The following ABTB2 variants were observed in gnomAD, a reference collection of about 807,000 sequenced individuals.
The protein encoded by ABTB2 is ankyrin repeat and BTB/POZ domain-containing protein 2.
Under a neutral mutation model 104.1 loss-of-function variants are expected in ABTB2, and 56 were observed. The ratio of observed to expected loss-of-function variants is 0.54; its 90% CI spans 0.43 to 0.67. The LOEUF is 0.67. Ranked by LOEUF, ABTB2 falls within the 30% of genes least tolerant of loss-of-function variation. The pLI is 0.00. For missense variants in ABTB2, 1,279 were observed against 1,407.7 expected (o/e 0.91, Z 1.46); for synonymous variants, 606 against 608.2 (o/e 1.00, Z 0.05).
At chr11:34,304,116 T>A (rs1854744121) in intron 1 of ABTB2, among the ~76,000 whole-genome samples, 1 of 152,156 alleles carries the variant, frequency 6.6e-6, no homozygotes, top group African/African-American at 2.4e-5. Context: ...GACGGAATCA[T>A]CCCTTTGTCC....
intron 1 of ABTB2, among the ~76,000 whole-genome samples, chr11:34,263,183 G>C (rs1854208942): frequency 6.6e-6 from 1 of 152,038 alleles, no homozygotes; most frequent in African/African-American, 2.4e-5. Flanking sequence ...TTTTGGTGGG[G>C]GTTGGGGGGA....
intron 1 of ABTB2, among the ~76,000 whole-genome samples, chr11:34,237,591 T>C (rs887899986): frequency 3.3e-5 from 5 of 152,200 alleles, no homozygotes; most frequent in Admixed American, 3.3e-4. Context: ...ATTTCCCAGT[T>C]CAGGCTGGCT....
intron 1 of ABTB2, among the ~76,000 whole-genome samples, chr11:34,261,642 G>A (rs1854190706): frequency 6.6e-6 from 1 of 152,118 alleles, no homozygotes; most frequent in Non-Finnish European, 1.5e-5. Flanking sequence ...GAGGCCTTAA[G>A]AAAACCTGAT....
chr11:34,332,704 TG>T (rs1855146763), intron 1 of ABTB2, among the ~76,000 whole-genome samples: 1 of 152,030 alleles, frequency 6.6e-6, no homozygotes, highest in Non-Finnish European at 1.5e-5. Flanking sequence ...ATGCCTCTGT[TG>T]ATTTTGCTAA....
At chr11:34,203,674 G>A (rs1219225902) in intron 2 of ABTB2, among the ~76,000 whole-genome samples, 3 of 152,230 alleles carry the variant, frequency 2.0e-5, no homozygotes, top group Non-Finnish European at 4.4e-5. Context: ...TTCATTTCCT[G>A]TCTGTAGAGG....
chr11:34,199,057 C>G (rs1427784549), intron 2 of ABTB2, among the ~76,000 whole-genome samples: 1 of 152,146 alleles, frequency 6.6e-6, no homozygotes, highest in African/African-American at 2.4e-5. Context: ...CCGTTGTGTC[C>G]CAGAGCCCTG....
intron 1 of ABTB2, among the ~76,000 whole-genome samples, chr11:34,282,254 G>C (rs1486594627): frequency 2.6e-5 from 4 of 152,112 alleles, no homozygotes; most frequent in Non-Finnish European, 5.9e-5. Context: ...ATGAATCTGG[G>C]GTGGGGAGGG....
intron 1 of ABTB2, among the ~76,000 whole-genome samples, chr11:34,237,284 T>C (rs1288636663): frequency 6.7e-6 from 1 of 149,098 alleles, no homozygotes; most frequent in African/African-American, 2.5e-5. Flanking sequence ...TTCTTTTTTT[T>C]TTTTTTTTTT....
chr11:34,277,573 C>T (rs186029970), intron 1 of ABTB2, among the ~76,000 whole-genome samples: 4,065 of 151,136 alleles, frequency 0.027, 144 homozygotes, highest in African/African-American at 0.082. Flanking sequence ...CACTTGAGGT[C>T]AGGAGTTCCA....
Position 34,345,545 on chromosome 11 carries a change from T to A in ABTB2, c.883+11156A>T, listed in dbSNP as rs565156613. ...GTCCTCAGACTCCCCACCCCCGCCATCATCATTTGTCTCCTCAAAGACCAG... is the reference window on the plus strand; with the variant it reads ...GTCCTCAGACTCCCCACCCCCGCCAACATCATTTGTCTCCTCAAAGACCAG... On this transcript the variant is annotated intron_variant, in intron 1 of 16. Transcript: ENST00000435224. Among the ~76,000 whole-genome samples the A allele has an allele frequency of 6.0e-5, 9 of 150,390 alleles. No homozygotes were observed. In the South Asian group the frequency reaches 1.3e-3, roughly 21 times the overall value.
intron 14 of ABTB2, among the ~76,000 whole-genome samples, chr11:34,158,181 A>G (rs779807305): frequency 7.2e-5 from 11 of 152,328 alleles, no homozygotes; most frequent in African/African-American, 1.9e-4. Flanking sequence ...TTGGGAGGCC[A>G]AGGCGGGTGG....
rs539588131 is a variant in ABTB2 at position 34,275,152 on chromosome 11, A to G, written c.884-70462T>C. 1.6e-4 allele frequency among the ~76,000 whole-genome samples: 24 copies of G among 152,196 alleles called. No individual in the cohort carries two copies. In the South Asian group the frequency reaches 4.8e-3, roughly 30 times the overall value. Reference sequence around the variant, plus strand: ...ACATTGAATCCCTTCCCCAAACCCAACAGGAAACATCAGATTCCATCATTT... The same window carrying G: ...ACATTGAATCCCTTCCCCAAACCCAGCAGGAAACATCAGATTCCATCATTT... On this transcript the variant is annotated intron_variant, in intron 1 of 16. Transcript: ENST00000435224.
At position 34,204,500 on chromosome 11, in the gene ABTB2, C is replaced by T. The variant is rs186881116; in HGVS notation, c.1030+44G>A. The T allele has an allele frequency of 8.4e-3, 12,828 of 1,524,750 alleles. 86 individuals are homozygous for T. The highest frequency in any genetic ancestry group is 9.9e-3 in the Non-Finnish European group (11,232 of 1,137,170). 94.5% of individuals were successfully genotyped at this position (1,524,750 alleles called of 1,614,324 possible). A position where few individuals can be genotyped will look rare whatever the true frequency, so the allele number is the denominator to read the frequency against. ...CTGCCTTCCCCCAGCCCTGAGACCT[C>T]GCCGTTGCTCTACCATCCAGCTAGA... On this transcript the variant is annotated intron_variant, in intron 2 of 16. Coordinates refer to ENST00000435224, the MANE Select transcript of ABTB2 (RefSeq NM_145804.3).
chr11:34,329,056 A>AACCCAGCC (rs1855101501), intron 1 of ABTB2, among the ~76,000 whole-genome samples: 1 of 152,196 alleles, frequency 6.6e-6, no homozygotes, highest in East Asian at 1.9e-4. Context: ...GACAGAAATA[A>AACCCAGCC]ACCCAGCCTG....
chr11:34,347,996 T>G (rs1414426416), intron 1 of ABTB2, among the ~76,000 whole-genome samples: 1 of 152,246 alleles, frequency 6.6e-6, no homozygotes, highest in Non-Finnish European at 1.5e-5. Context: ...CATTTGCCAG[T>G]CTTGACCTTC....
At chr11:34,206,526 T>C (rs11032550) in intron 1 of ABTB2, among the ~76,000 whole-genome samples, 6,290 of 152,240 alleles carry the variant, frequency 0.041, 249 homozygotes, top group African/African-American at 0.1. Flanking sequence ...GATGGACTGG[T>C]TCCACAATGC....
chr11:34,298,081 G>A (rs956630574), intron 1 of ABTB2, among the ~76,000 whole-genome samples: 2 of 147,452 alleles, frequency 1.4e-5, no homozygotes, highest in Non-Finnish European at 3.0e-5. Flanking sequence ...AGAAATAAAT[G>A]TCTGTTTTTT....
intron 1 of ABTB2, among the ~76,000 whole-genome samples, chr11:34,247,116 G>T (rs1254033098): frequency 1.3e-5 from 2 of 152,126 alleles, no homozygotes; most frequent in Non-Finnish European, 2.9e-5. Flanking sequence ...CAAAGTGCTG[G>T]GATTACAGAC....
chr11:34,280,307 G>T (rs545754977), intron 1 of ABTB2, among the ~76,000 whole-genome samples: 1 of 152,248 alleles, frequency 6.6e-6, no homozygotes, highest in East Asian at 1.9e-4. Context: ...CAGTGAGGCT[G>T]ACCCAGGTTC....
Sources: gnomAD v4.1 joint callset for allele counts (sites outside exome capture counted in the v4.1 genomes callset) on GRCh38, gnomAD v4.1.1 for gene constraint, MANE v1.5 for transcripts, NCBI Gene and HGNC (gene_info 2026-07-23, HGNC 2026-07-21) for gene names.